Variants in LRIG3 observed in about 807,000 individuals in gnomAD.
The protein encoded by LRIG3 is leucine-rich repeats and immunoglobulin-like domains protein 3.
In LRIG3, 76 loss-of-function variants were observed where a neutral mutation model predicts 114.5. The ratio of observed to expected loss-of-function variants is 0.66; its 90% CI spans 0.55 to 0.80. The LOEUF (loss-of-function observed/expected upper bound fraction) is 0.80. LRIG3 is among the 30% of genes least tolerant of loss of function. The probability of loss-of-function intolerance (pLI) is 0.00; values close to 1 mark genes in which losing one functional copy is unlikely to be tolerated. For synonymous variants in LRIG3, 512 were observed against 519.8 expected, an observed-to-expected ratio of 0.98 and a Z score of 0.20; for missense variants, 1,239 against 1,382.8, an observed-to-expected ratio of 0.90 and a Z score of 1.65.
chr12:58,910,347 C>T (rs1001720136), intron 3 of LRIG3, among the ~76,000 whole-genome samples: 1 of 152,212 alleles, frequency 6.6e-6, no homozygotes. Flanking sequence ...CGGTGGCTCA[C>T]GCCTTTAATC....
At chr12:58,902,708 A>ATCCCTCC (rs1417936272) in intron 3 of LRIG3, among the ~76,000 whole-genome samples, 1 of 139,126 alleles carries the variant, frequency 7.2e-6, no homozygotes, top group Non-Finnish European at 1.6e-5. Context: ...TCCTAATGCT[A>ATCCCTCC]TCCCTCCTCC....
chr12:58,893,390 T>C (rs7957573), intron 3 of LRIG3, among the ~76,000 whole-genome samples: 7,185 of 152,156 alleles, frequency 0.047, 495 homozygotes, highest in African/African-American at 0.15. Context: ...TTTATGATAA[T>C]AGTAAAGTTT....
chr12:58,895,721 G>A (rs1289902447), intron 3 of LRIG3, among the ~76,000 whole-genome samples: 1 of 152,182 alleles, frequency 6.6e-6, no homozygotes, highest in Non-Finnish European at 1.5e-5. Context: ...TGATGGCTGT[G>A]GGTGGAAAGA....
chr12:58,914,387 A>G (rs1282222823), intron 1 of LRIG3, 51 bp from the exon 2 acceptor site: 4 of 1,375,946 alleles, frequency 2.9e-6, no homozygotes, highest in Non-Finnish European at 1.0e-6. Context: ...AATCACTAAT[A>G]GTGCTAACTG....
rs776801837 is a variant in LRIG3, at chr12:58,887,856, T to G, written c.1024A>C (p.Ile342Leu). The G allele has an allele frequency of 3.7e-6, 6 of 1,613,892 alleles. No homozygotes were observed. In the South Asian group the frequency reaches 5.5e-5, roughly 15 times the overall value. The change falls in exon 8 of 19, where the codon ATT becomes CTT. Residue 342 changes from isoleucine (I) to leucine (L), a missense_variant. Ile to Leu is a conservative substitution (Grantham distance 5). Coordinates refer to ENST00000320743, the MANE Select transcript of LRIG3 (RefSeq NM_153377.5). ...LGLSLLNTLH[I>L]GNNRVSYIAD... ...ATGTAGCTGACTCTGTTGTTCCCAA[T>G]GTGCAGTGTATTTAGTAAGCTTAGG...
At chr12:58,915,970 G>A (rs1872468553) in intron 1 of LRIG3, among the ~76,000 whole-genome samples, 1 of 152,152 alleles carries the variant, frequency 6.6e-6, no homozygotes, top group Non-Finnish European at 1.5e-5. Flanking sequence ...AGAGCATTGA[G>A]CCAGCGTAAA....
chr12:58,905,968 G>T (rs1480907802), intron 3 of LRIG3, among the ~76,000 whole-genome samples: 1 of 152,120 alleles, frequency 6.6e-6, no homozygotes, highest in Non-Finnish European at 1.5e-5. Flanking sequence ...CACAGAAAAT[G>T]AACTAGGACA....
chr12:58,894,121 A>T (rs1229648593), intron 3 of LRIG3, among the ~76,000 whole-genome samples: 1 of 152,186 alleles, frequency 6.6e-6, no homozygotes, highest in Non-Finnish European at 1.5e-5. Context: ...TACTTGAGTG[A>T]CGAATAAAAT....
At chr12:58,880,933 A>G in intron 12 of LRIG3, 32 bp from the exon 13 acceptor site, 1 of 1,589,236 alleles carries the variant, frequency 6.3e-7, no homozygotes, top group Non-Finnish European at 8.6e-7. Context: ...AGACAAAACA[A>G]TGTTAAGGCT....
chr12:58,918,257 A>C (rs999716411), intron 1 of LRIG3, among the ~76,000 whole-genome samples: 1 of 152,242 alleles, frequency 6.6e-6, no homozygotes, highest in Admixed American at 6.5e-5. Flanking sequence ...TGTGCTAACC[A>C]AATAAACTCT....
At chr12:58,908,607 T>C (rs928893070) in intron 3 of LRIG3, among the ~76,000 whole-genome samples, 4 of 152,230 alleles carry the variant, frequency 2.6e-5, no homozygotes, top group African/African-American at 9.6e-5. Flanking sequence ...CTTTTAATTA[T>C]TGCTGCTATT....
Position 58,920,313 on chromosome 12 carries a change from A to G in LRIG3, c.-78T>C. ...GGGGCCCGGCACAAACTTCCAGCCG[A>G]GGGTGCACGCCCGCCCTCGCGGTCG... On this transcript the variant is annotated 5_prime_UTR_variant, in exon 1 of 19. Transcript: ENST00000320743. The G allele has an allele frequency of 8.9e-7, 1 of 1,127,886 alleles. No individual in the cohort carries two copies. The highest frequency in any genetic ancestry group is 1.1e-6 in the Non-Finnish European group (1 of 870,090). 69.9% of individuals were successfully genotyped at this position (1,127,886 alleles called of 1,614,324 possible).
At chr12:58,888,097 C>T (rs1432442128) in intron 7 of LRIG3, among the ~76,000 whole-genome samples, 165 bp from the exon 8 acceptor site, 1 of 152,090 alleles carries the variant, frequency 6.6e-6, no homozygotes, top group Non-Finnish European at 1.5e-5. Context: ...TAAAAAAATA[C>T]GTTCTCTTTA....
In LRIG3 at chr12:58,877,785, CT is replaced by C; in HGVS notation, c.2150del (p.Gln717ArgfsTer12). ...TVTKGETAVL[Q>X]CIAGGSPPPK... is the part of the protein sequence containing the mutation. ...GGGGAGGGCTTCCTCCAGCAATGCA[CT>C]GTAGGACGGCTGTTTCTCCCTTGGT... is the stretch of plus-strand genomic sequence containing the variant. On this transcript the variant is annotated frameshift_variant, in exon 15 of 19. Coordinates refer to ENST00000320743, the MANE Select transcript of LRIG3 (RefSeq NM_153377.5). LOFTEE classifies it high-confidence loss of function. 1 of 1,614,202 alleles carries C rather than the reference CT, an allele frequency of 6.2e-7. No homozygotes were observed. Among genetic ancestry groups the C allele is most frequent in the Non-Finnish European group, 8.5e-7 (1 of 1,180,020 alleles).
At chr12:58,885,454 C>G (rs951014355) in intron 10 of LRIG3, among the ~76,000 whole-genome samples, 1 of 151,726 alleles carries the variant, frequency 6.6e-6, no homozygotes, top group African/African-American at 2.4e-5. Context: ...TGTATTCTGA[C>G]TAAGAATTAA....
At chr12:58,914,943 C>G (rs988995211) in intron 1 of LRIG3, among the ~76,000 whole-genome samples, 1 of 152,204 alleles carries the variant, frequency 6.6e-6, no homozygotes, top group Non-Finnish European at 1.5e-5. Flanking sequence ...ATTTAAACCA[C>G]ATCGCCATCT....
In LRIG3 at chr12:58,878,738, T is replaced by A. The variant is rs1289591730; in HGVS notation, c.2083+86A>T. On this transcript the variant is annotated intron_variant, in intron 14 of 18. Transcript: ENST00000320743. Reference sequence around the variant, plus strand: ...CCCCATACATCTTCATCTCTTACTCTCACAACTTCTGATACTTAGGGACCT... The same window carrying A: ...CCCCATACATCTTCATCTCTTACTCACACAACTTCTGATACTTAGGGACCT... The A allele has an allele frequency of 6.2e-6, 9 of 1,461,506 alleles. No homozygotes were observed. In the East Asian group the frequency reaches 2.1e-4, roughly 33 times the overall value. 90.5% of individuals were successfully genotyped at this position (1,461,506 alleles called of 1,614,324 possible). A position where few individuals can be genotyped will look rare whatever the true frequency, so the allele number is the denominator to read the frequency against.
chr12:58,892,720 A>G (rs1871497436), intron 3 of LRIG3, among the ~76,000 whole-genome samples: 1 of 152,238 alleles, frequency 6.6e-6, no homozygotes, highest in African/African-American at 2.4e-5. Flanking sequence ...TTCATATATT[A>G]TGCCCTTTAA....
chr12:58,876,359 T>G, intron 16 of LRIG3, 86 bp downstream of exon 16: 1 of 1,434,206 alleles, frequency 7.0e-7, no homozygotes, highest in Non-Finnish European at 9.5e-7. Context: ...GTGTTATCAA[T>G]GTCTTGTGAA....
Sources: gnomAD v4.1 joint callset for allele counts (sites outside exome capture counted in the v4.1 genomes callset) on GRCh38, gnomAD v4.1.1 for gene constraint, MANE v1.5 for transcripts, NCBI Gene and HGNC (gene_info 2026-07-23, HGNC 2026-07-21) for gene names.